Variants in DMD observed in about 807,000 individuals in gnomAD.
DMD encodes the protein mutant dystrophin.
DMD carries 63 observed loss-of-function variants against 330.1 expected under a neutral mutation model. The observed-to-expected ratio is 0.19, with a 90% confidence interval of 0.16 to 0.24. DMD has a LOEUF of 0.24. Among genes scored for constraint, DMD ranks in the 10% least tolerant of loss-of-function variants. The pLI is 1.00. For missense variants in DMD, 3,344 were observed against 2,684.1 expected (o/e 1.25, Z -5.43); for synonymous variants, 1,223 against 959.8 (o/e 1.27, Z -5.07).
intron 1 of DMD, among the ~76,000 whole-genome samples, chrX:33,148,637 T>C (rs1449255058): frequency 4.5e-5 from 5 of 111,849 alleles, no homozygotes; most frequent in East Asian, 5.6e-4. Context: ...TTAAAGGTCA[T>C]TGGACAAAAA....
At chrX:32,830,041 A>G in intron 4 of DMD, among the ~76,000 whole-genome samples, 1 of 111,641 alleles carries the variant, frequency 9.0e-6, no homozygotes, top group African/African-American at 3.2e-5. Context: ...AAGAAATGCT[A>G]ATTGATAACC....
intron 2 of DMD, among the ~76,000 whole-genome samples, chrX:32,962,261 T>C (rs1483135412): frequency 1.8e-5 from 2 of 111,966 alleles, no homozygotes; most frequent in Non-Finnish European, 3.8e-5. Context: ...CAAGACAACA[T>C]TGGCAGACAC....
At chrX:32,943,780 T>C (rs1239103355) in intron 2 of DMD, among the ~76,000 whole-genome samples, 1 of 112,258 alleles carries the variant, frequency 8.9e-6, no homozygotes, top group Non-Finnish European at 1.9e-5. Context: ...GTCAGAAGCA[T>C]ACAAAGTATA....
At chrX:33,006,006 A>G (rs1182548551) in intron 2 of DMD, among the ~76,000 whole-genome samples, 2 of 111,557 alleles carry the variant, frequency 1.8e-5, no homozygotes, top group East Asian at 5.7e-4. Flanking sequence ...TTCCACTAAC[A>G]TTTTCAAAAA....
At chrX:31,558,291 T>C (rs2074974294) in intron 55 of DMD, among the ~76,000 whole-genome samples, 2 of 111,612 alleles carry the variant, frequency 1.8e-5, no homozygotes, top group Non-Finnish European at 3.8e-5. Flanking sequence ...GGAACTAGTC[T>C]CCACCTGAGA....
chrX:31,883,397 C>A lies in DMD; in HGVS notation c.6913-8024G>T, dbSNP rs765202087. Among the ~76,000 whole-genome samples the A allele has an allele frequency of 3.4e-5, 3 of 87,843 alleles. No homozygotes were observed. The South Asian group carries it at 1.5e-3, about 44-fold the overall frequency. The allele number at this position is 87,843 out of a possible 115,157, so 76.3% of individuals were successfully genotyped here. ...TAATTCTTGAACTTGGTGGTAGTAGCATGGATACACTAAGTTTTTTTTAAA... is the reference window on the plus strand; with the variant it reads ...TAATTCTTGAACTTGGTGGTAGTAGAATGGATACACTAAGTTTTTTTTAAA... On this transcript the variant is annotated intron_variant, in intron 47 of 78. Transcript: ENST00000357033.
chrX:31,495,694 T>C (rs913631504), intron 57 of DMD, among the ~76,000 whole-genome samples: 15 of 111,849 alleles, frequency 1.3e-4, no homozygotes, highest in African/African-American at 3.6e-4. Flanking sequence ...AAACATTTTT[T>C]TCATAGACCT....
intron 77 of DMD, among the ~76,000 whole-genome samples, chrX:31,131,597 T>C (rs1051913537): frequency 1.8e-5 from 2 of 111,893 alleles, no homozygotes; most frequent in Admixed American, 9.4e-5. Flanking sequence ...CTCTTCCATT[T>C]GAAAGACTTT....
chrX:31,658,255 C>T (rs1320207050), intron 53 of DMD, 111 bp from the exon 54 acceptor site: 1 of 857,611 alleles, frequency 1.2e-6, no homozygotes, highest in Non-Finnish European at 1.7e-6. Context: ...GGTCAGAATA[C>T]ATATATTAGA....
chrX:32,615,154 C>T (rs987649525), intron 11 of DMD, among the ~76,000 whole-genome samples: 21 of 111,345 alleles, frequency 1.9e-4, no homozygotes, highest in Admixed American at 1.9e-4. Flanking sequence ...TGGCTGAGCC[C>T]TGCTTATATT....
At chrX:32,435,503 CG>C (rs1922674388) in intron 29 of DMD, among the ~76,000 whole-genome samples, 1 of 108,975 alleles carries the variant, frequency 9.2e-6, no homozygotes, top group Admixed American at 9.9e-5. Context: ...GATGAGGAAA[CG>C]TAAGTTTAAA....
intron 62 of DMD, among the ~76,000 whole-genome samples, chrX:31,322,172 A>C (rs2056474899): frequency 8.9e-6 from 1 of 112,171 alleles, no homozygotes. Context: ...TGAGAGCTTT[A>C]TGAATTGGTT....
intron 44 of DMD, among the ~76,000 whole-genome samples, chrX:32,164,563 G>T (rs2147285537): frequency 8.9e-6 from 1 of 111,884 alleles, no homozygotes; most frequent in Non-Finnish European, 1.9e-5. Flanking sequence ...CATTCAAGAG[G>T]TCACAGAGCA....
At chrX:31,850,005 T>C (rs1178881068) in intron 48 of DMD, among the ~76,000 whole-genome samples, 2 of 110,947 alleles carry the variant, frequency 1.8e-5, no homozygotes, top group African/African-American at 3.3e-5. Context: ...ATATTAAGCC[T>C]AGTACCCATT....
chrX:32,411,641 A>T, intron 30 of DMD, 111 bp downstream of exon 30: 1 of 937,828 alleles, frequency 1.1e-6, no homozygotes, highest in Non-Finnish European at 1.5e-6. Flanking sequence ...TCAGTGAATC[A>T]AAACAACCCC....
chrX:31,308,741 T>C (rs987853514), intron 62 of DMD, among the ~76,000 whole-genome samples: 2 of 110,325 alleles, frequency 1.8e-5, no homozygotes, highest in Admixed American at 9.8e-5. Flanking sequence ...ATTTTTTTTT[T>C]CTTTGGAGAT....
chrX:32,614,905 T>A (rs1214407174), intron 11 of DMD, among the ~76,000 whole-genome samples: 1 of 110,474 alleles, frequency 9.1e-6, no homozygotes, highest in Non-Finnish European at 1.9e-5. Context: ...GAATGTGGCA[T>A]AACTGACACC....
chrX:31,828,482 A>G (rs1012180220), intron 49 of DMD, among the ~76,000 whole-genome samples: 1 of 109,655 alleles, frequency 9.1e-6, no homozygotes, highest in Non-Finnish European at 1.9e-5. Flanking sequence ...TGGCCAACAC[A>G]GTGAAACTCC....
intron 12 of DMD, among the ~76,000 whole-genome samples, chrX:32,609,191 C>T (rs1395047760): frequency 2.7e-5 from 3 of 110,768 alleles, no homozygotes; most frequent in African/African-American, 6.5e-5. Context: ...GTTGTCATTG[C>T]TTTCATTCAG....
Sources: gnomAD v4.1 joint callset for allele counts (sites outside exome capture counted in the v4.1 genomes callset) on GRCh38, gnomAD v4.1.1 for gene constraint, MANE v1.5 for transcripts, NCBI Gene and HGNC (gene_info 2026-07-23, HGNC 2026-07-21) for gene names.